Variants in PTPRT observed in about 807,000 individuals in gnomAD.
PTPRT encodes protein tyrosine phosphatase receptor type T, also known as receptor-type tyrosine-protein phosphatase T.
PTPRT carries 56 observed loss-of-function variants against 176.8 expected under a neutral mutation model. That is an observed-to-expected ratio of 0.32 (90% CI 0.26 to 0.40). PTPRT has a LOEUF of 0.40. Among genes scored for constraint, PTPRT ranks in the 10% least tolerant of loss-of-function variants. The pLI, the probability that PTPRT is intolerant of heterozygous loss-of-function variation, is 1.00. For missense variants in PTPRT, 1,540 were observed against 1,908.2 expected, an observed-to-expected ratio of 0.81 and a Z score of 3.60; for synonymous variants, 783 against 739.0, an observed-to-expected ratio of 1.06 and a Z score of -0.96.
intron 2 of PTPRT, among the ~76,000 whole-genome samples, chr20:42,793,773 C>A (rs991406406): frequency 2.6e-5 from 4 of 152,144 alleles, no homozygotes; most frequent in African/African-American, 9.7e-5. Context: ...CCATATCTGT[C>A]CACTGGCCTA....
At chr20:42,981,883 C>G (rs1342839754) in intron 1 of PTPRT, among the ~76,000 whole-genome samples, 3 of 152,130 alleles carry the variant, frequency 2.0e-5, no homozygotes, top group African/African-American at 7.2e-5. Flanking sequence ...GCTAGGAAGG[C>G]TGAGCACTAG....
At chr20:42,437,101 T>A (rs2059268790) in intron 9 of PTPRT, among the ~76,000 whole-genome samples, 2 of 152,160 alleles carry the variant, frequency 1.3e-5, no homozygotes, top group African/African-American at 4.8e-5. Flanking sequence ...TAGAAACAGA[T>A]GTGCTTATGT....
At chr20:42,305,381 T>A (rs949206789) in intron 12 of PTPRT, among the ~76,000 whole-genome samples, 30 of 151,710 alleles carry the variant, frequency 2.0e-4, no homozygotes, top group Admixed American at 5.9e-4. Context: ...AAAAAAAAAA[T>A]TTTAATTGAA....
the PTPRT span, among the ~76,000 whole-genome samples, chr20:42,042,866 T>C: frequency 6.6e-6 from 1 of 152,256 alleles, no homozygotes; most frequent in Non-Finnish European, 1.5e-5. Context: ...TAGTGTGGTA[T>C]TGGATCCCTC....
intron 16 of PTPRT, among the ~76,000 whole-genome samples, chr20:42,175,961 A>G (rs1391164118): frequency 6.6e-6 from 1 of 152,194 alleles, no homozygotes; most frequent in African/African-American, 2.4e-5. Flanking sequence ...TGAGGGTCCC[A>G]TGTTATATCC....
chr20:42,809,576 A>C (rs960554890), intron 2 of PTPRT, among the ~76,000 whole-genome samples: 1 of 152,188 alleles, frequency 6.6e-6, no homozygotes, highest in African/African-American at 2.4e-5. Flanking sequence ...ACAGTTCTGG[A>C]GGCCAGAAGT....
chr20:43,044,072 C>G (rs2146218103), intron 1 of PTPRT, among the ~76,000 whole-genome samples: 1 of 152,180 alleles, frequency 6.6e-6, no homozygotes, highest in African/African-American at 2.4e-5. Context: ...TTCAAGTGGT[C>G]CAAGGCAGAT....
chr20:42,614,553 T>C (rs1208035295), intron 7 of PTPRT, among the ~76,000 whole-genome samples: 1 of 152,048 alleles, frequency 6.6e-6, no homozygotes, highest in East Asian at 1.9e-4. Flanking sequence ...CCCCCTTCTA[T>C]TCCCCACTGC....
intron 1 of PTPRT, among the ~76,000 whole-genome samples, chr20:43,074,394 A>G (rs1410236131): frequency 6.6e-6 from 1 of 152,228 alleles, no homozygotes; most frequent in Non-Finnish European, 1.5e-5. Context: ...TTTCATTAAA[A>G]TGAAACTGAT....
intron 1 of PTPRT, among the ~76,000 whole-genome samples, chr20:43,042,718 C>A: frequency 6.7e-6 from 1 of 148,408 alleles, no homozygotes; most frequent in South Asian, 2.2e-4. Context: ...CCCTCCCACC[C>A]GCCATCTCTC....
rs2076864864 is a variant in PTPRT, at chr20:42,758,252, C to T, written c.685-1616G>A. Among the ~76,000 whole-genome samples, 3 of 152,328 alleles carry T rather than the reference C, an allele frequency of 2.0e-5. No individual in the cohort carries two copies. The South Asian group carries it at 6.2e-4, about 32-fold the overall frequency. ...TCTCGCAACGCGATCTTCATTGTTT[C>T]CTGCACCAAGTAAACAGTTTCCCCA... On this transcript the variant is annotated intron_variant, in intron 5 of 30. Coordinates refer to ENST00000373187, the MANE Select transcript of PTPRT (RefSeq NM_007050.6).
In PTPRT at chr20:42,078,110, G is replaced by A. The variant is rs1450925930; in HGVS notation, c.*2769C>T. On this transcript the variant is annotated 3_prime_UTR_variant, in exon 31 of 31. Coordinates refer to ENST00000373187, the MANE Select transcript of PTPRT (RefSeq NM_007050.6). ...GCCGAGGGAGGCCAGCAGGCCCAGT[G>A]GGGGTGGGTCCCCGGGGTCTGCTGA... 1 of 187,984 alleles carries A rather than the reference G, an allele frequency of 5.3e-6. No individual in the cohort carries two copies. The highest frequency in any genetic ancestry group is 1.1e-5 in the Non-Finnish European group (1 of 88,920). The allele number at this position is 187,984 out of a possible 1,614,324, so 11.6% of individuals were successfully genotyped here.
At chr20:42,340,681 T>C (rs1158468163) in intron 11 of PTPRT, among the ~76,000 whole-genome samples, 3 of 152,158 alleles carry the variant, frequency 2.0e-5, no homozygotes, top group Non-Finnish European at 4.4e-5. Context: ...GATCAGGCTA[T>C]AGAAATGCAC....
At chr20:42,452,632 G>A (rs972547163) in intron 8 of PTPRT, among the ~76,000 whole-genome samples, 2 of 152,104 alleles carry the variant, frequency 1.3e-5, no homozygotes, top group Non-Finnish European at 2.9e-5. Context: ...CGGAAATTGA[G>A]GAGGGTGTGT....
At position 42,140,065 on chromosome 20, in the gene PTPRT, C is replaced by T. The variant is rs139945602; in HGVS notation, c.2770+1850G>A. Among the ~76,000 whole-genome samples the T allele has an allele frequency of 3.3e-3, 509 of 152,360 alleles. 4 individuals carry two copies. Among genetic ancestry groups the T allele is most frequent in the Admixed American group, 0.012 (184 of 15,302 alleles). On this transcript the variant is annotated intron_variant, in intron 18 of 30. Transcript: ENST00000373187. ...CCCATTCCTAAATCAGCACAGGAAA[C>T]AGCTAAGCTAAAACTTCTGCCTTTT...
At chr20:42,431,089 T>G (rs2059212293) in intron 9 of PTPRT, among the ~76,000 whole-genome samples, 1 of 152,226 alleles carries the variant, frequency 6.6e-6, no homozygotes, top group Admixed American at 6.5e-5. Flanking sequence ...AAACGAACTT[T>G]GACATTGAAT....
intron 22 of PTPRT, among the ~76,000 whole-genome samples, chr20:42,113,997 T>C (rs2146306831): frequency 6.6e-6 from 1 of 152,344 alleles, no homozygotes. Context: ...ACTGTGTGCA[T>C]GCCGGGCTCT....
chr20:42,717,186 TAATA>T (rs2076238022), intron 6 of PTPRT, among the ~76,000 whole-genome samples: 1 of 84,250 alleles, frequency 1.2e-5, no homozygotes, highest in South Asian at 3.5e-4. Flanking sequence ...TAAAGTATAA[TAATA>T]ATAATAATAA....
At chr20:42,731,922 A>G (rs780525823) in intron 6 of PTPRT, among the ~76,000 whole-genome samples, 8 of 152,174 alleles carry the variant, frequency 5.3e-5, no homozygotes, top group Non-Finnish European at 1.2e-4. Flanking sequence ...CTCATTCTCC[A>G]GGTTTTAAAC....
Sources: gnomAD v4.1 joint callset for allele counts (sites outside exome capture counted in the v4.1 genomes callset) on GRCh38, gnomAD v4.1.1 for gene constraint, MANE v1.5 for transcripts, NCBI Gene and HGNC (gene_info 2026-07-23, HGNC 2026-07-21) for gene names.